The following RNF169 variants were observed in gnomAD, a reference collection of about 807,000 sequenced individuals.
The protein encoded by RNF169 is E3 ubiquitin-protein ligase RNF169.
A neutral mutation model predicts 53.9 loss-of-function variants in RNF169; 24 were observed. The ratio of observed to expected loss-of-function variants is 0.45; its 90% CI spans 0.32 to 0.63. RNF169 has a LOEUF of 0.63. Among genes scored for constraint, RNF169 ranks in the 20% least tolerant of loss-of-function variants. The pLI, the probability that RNF169 is intolerant of heterozygous loss-of-function variation, is 0.04. For synonymous variants in RNF169, 396 were observed against 363.5 expected, an observed-to-expected ratio of 1.09 and a Z score of -1.02; for missense variants, 883 against 906.2, an observed-to-expected ratio of 0.97 and a Z score of 0.33.
At chr11:74,832,438 C>CGTTTTGTGTATCTGATAAGTCATTTGT (rs1565188658) in intron 4 of RNF169, 6 of 151,978 alleles carry the variant, frequency 3.9e-5, no homozygotes, top group Non-Finnish European at 7.4e-5. Flanking sequence ...TATCTGATAA[C>CGTTTTGTGTATCTGATAAGTCATTTGT]GTAGGCTTGA....
At chr11:74,829,944 A>G (rs1435990386) in intron 4 of RNF169, among the ~76,000 whole-genome samples, 3 of 152,162 alleles carry the variant, frequency 2.0e-5, no homozygotes, top group Non-Finnish European at 4.4e-5. Context: ...CTGTGCAGCA[A>G]ACCACCATGA....
chr11:74,765,215 T>C (rs1268275283), intron 1 of RNF169, among the ~76,000 whole-genome samples: 2 of 152,150 alleles, frequency 1.3e-5, no homozygotes, highest in African/African-American at 2.4e-5. Flanking sequence ...TCTCAACGAA[T>C]GGGGTTAATC....
intron 2 of RNF169, among the ~76,000 whole-genome samples, chr11:74,793,311 A>C (rs567689476): frequency 1.3e-5 from 2 of 152,298 alleles, no homozygotes; most frequent in East Asian, 3.9e-4. Context: ...AGATCTTCAA[A>C]AGTTTCTACT....
intron 2 of RNF169, among the ~76,000 whole-genome samples, chr11:74,798,828 A>C (rs1309338834): frequency 6.6e-6 from 1 of 152,118 alleles, no homozygotes; most frequent in Non-Finnish European, 1.5e-5. Flanking sequence ...GGAAAATGGA[A>C]AAGAACCTAC....
chr11:74,834,613 C>A, intron 4 of RNF169, 63 bp from the exon 5 acceptor site: 1 of 1,166,544 alleles, frequency 8.6e-7, no homozygotes. Context: ...ATATTGTCAT[C>A]CTTTTTCCTT....
chr11:74,789,538 C>A, intron 1 of RNF169, 88 bp from the exon 2 acceptor site: 1 of 736,908 alleles, frequency 1.4e-6, no homozygotes, highest in South Asian at 1.7e-5. Flanking sequence ...TTTTTATCAT[C>A]TATTTATATA....
intron 1 of RNF169, among the ~76,000 whole-genome samples, chr11:74,783,696 TGTTGCTCTGC>T: frequency 3.3e-5 from 5 of 152,198 alleles, no homozygotes; most frequent in African/African-American, 1.2e-4. Context: ...CTTGACATCT[TGTTGCTCTGC>T]TTTGTGGTGG....
intron 2 of RNF169, among the ~76,000 whole-genome samples, chr11:74,796,601 G>C (rs2035652510): frequency 1.3e-5 from 2 of 152,014 alleles, no homozygotes; most frequent in South Asian, 4.2e-4. Context: ...GCTTTGTTTT[G>C]ATTTGGGAAA....
chr11:74,807,766 A>G (rs939739807), intron 2 of RNF169: 13 of 152,248 alleles, frequency 8.5e-5, no homozygotes, highest in African/African-American at 3.1e-4. Context: ...ATTCACATTT[A>G]AAATGCTACT....
At chr11:74,801,879 T>C (rs557043219) in intron 2 of RNF169, among the ~76,000 whole-genome samples, 32 of 152,340 alleles carry the variant, frequency 2.1e-4, no homozygotes, top group Non-Finnish European at 1.6e-4. Flanking sequence ...TATTAGCTTG[T>C]GAAACCCCCC....
intron 1 of RNF169, among the ~76,000 whole-genome samples, chr11:74,751,861 C>G (rs1022997428): frequency 7.9e-5 from 12 of 152,228 alleles, no homozygotes; most frequent in African/African-American, 2.9e-4. Flanking sequence ...TAGTTATATA[C>G]AGTATTTTTA....
intron 3 of RNF169, among the ~76,000 whole-genome samples, chr11:74,812,506 A>G (rs148893467): frequency 1.8e-3 from 273 of 152,042 alleles, no homozygotes; most frequent in Non-Finnish European, 2.9e-3. Flanking sequence ...GGGTGTCCCT[A>G]TGTTGCCCAG....
intron 1 of RNF169, among the ~76,000 whole-genome samples, chr11:74,764,851 C>T (rs1422945784): frequency 6.6e-6 from 1 of 152,134 alleles, no homozygotes; most frequent in Admixed American, 6.5e-5. Context: ...TCTGTCTATA[C>T]GTAACGTAGT....
In RNF169 at chr11:74,836,403, T is replaced by G. The variant is rs776070658; in HGVS notation, c.1800T>G (p.Asp600Glu). Residue 600 changes from aspartate (D) to glutamate (E), a missense_variant, in exon 6 of 6, where the codon GAT (aspartate) becomes GAG (glutamate). Coordinates refer to ENST00000299563, the MANE Select transcript of RNF169 (RefSeq NM_001098638.2). ...AATTGAAGACATTAAATCATTTTGA[T>G]CTGACTAATGGTGTTCTAGTTGAGA... is the stretch of plus-strand genomic sequence containing the variant. ...KQQLKTLNHF[D>E]LTNGVLVESL... 9 of 1,614,224 alleles carry G rather than the reference T, an allele frequency of 5.6e-6. No homozygotes were observed. Among genetic ancestry groups the G allele is most frequent in the Non-Finnish European group, 7.6e-6 (9 of 1,180,046 alleles).
intron 1 of RNF169, among the ~76,000 whole-genome samples, chr11:74,765,189 A>G (rs901848501): frequency 6.6e-6 from 1 of 152,244 alleles, no homozygotes. Context: ...AACCTAGGTG[A>G]CAGAGCGAGA....
chr11:74,764,316 T>C (rs2035138427), intron 1 of RNF169, among the ~76,000 whole-genome samples: 1 of 152,164 alleles, frequency 6.6e-6, no homozygotes, highest in African/African-American at 2.4e-5. Flanking sequence ...GGCGGATCGC[T>C]CAAGGTCAGG....
At chr11:74,792,679 G>A (rs1424358047) in intron 2 of RNF169, among the ~76,000 whole-genome samples, 1 of 152,198 alleles carries the variant, frequency 6.6e-6, no homozygotes, top group Non-Finnish European at 1.5e-5. Context: ...GGGATTACAG[G>A]TGTGAGCCAC....
rs1331000875 is a variant in RNF169 at position 74,842,224 on chromosome 11, CAA to C, written c.*5496_*5497del. Reference sequence around the variant, plus strand: ...CCAACTCATCAGAAGAGCATTTTGACAAAGACAGAGGACTTGGACCAGGGCAT... The same window carrying C: ...CCAACTCATCAGAAGAGCATTTTGACAGACAGAGGACTTGGACCAGGGCAT... On this transcript the variant is annotated 3_prime_UTR_variant, in exon 6 of 6. Coordinates refer to ENST00000299563, the MANE Select transcript of RNF169 (RefSeq NM_001098638.2). The C allele has an allele frequency of 2.0e-5, 3 of 152,184 alleles. No individual in the cohort carries two copies. Among genetic ancestry groups the C allele is most frequent in the African/African-American group, 7.2e-5 (3 of 41,440 alleles). 9.4% of individuals were successfully genotyped at this position (152,184 alleles called of 1,614,324 possible).
At chr11:74,820,619 G>C (rs1246810257) in intron 4 of RNF169, among the ~76,000 whole-genome samples, 1 of 152,096 alleles carries the variant, frequency 6.6e-6, no homozygotes, top group Non-Finnish European at 1.5e-5. Flanking sequence ...GTGTGTGTGT[G>C]TTTGGGGAGG....
Sources: allele counts gnomAD v4.1 joint callset (sites outside exome capture counted in the v4.1 genomes callset), GRCh38; gene constraint gnomAD v4.1.1; transcripts MANE v1.5; gene names NCBI Gene and HGNC (gene_info 2026-07-23, HGNC 2026-07-21).